Variants in ROBO1 observed in about 807,000 individuals in gnomAD.
The protein encoded by ROBO1 is roundabout homolog 1.
A neutral mutation model predicts 195.9 loss-of-function variants in ROBO1; 149 were observed. That is an observed-to-expected ratio of 0.76 (90% CI 0.67 to 0.87). The LOEUF (loss-of-function observed/expected upper bound fraction) is 0.87. ROBO1 is among the 40% of genes least tolerant of loss of function. ROBO1 has a pLI of 0.00. For missense variants in ROBO1, 1,933 were observed against 2,068.3 expected, an observed-to-expected ratio of 0.93 and a Z score of 1.27; for synonymous variants, 816 against 733.2, an observed-to-expected ratio of 1.11 and a Z score of -1.82.
At chr3:79,274,024 A>T (rs1279432740) in intron 2 of ROBO1, among the ~76,000 whole-genome samples, 2 of 152,014 alleles carry the variant, frequency 1.3e-5, no homozygotes. Context: ...AGCAAACATT[A>T]CTAGAGCTAA....
intron 2 of ROBO1, among the ~76,000 whole-genome samples, chr3:79,133,922 G>A (rs1448495576): frequency 2.6e-5 from 4 of 151,910 alleles, no homozygotes; most frequent in Non-Finnish European, 4.4e-5. Context: ...CTCAGCTGCA[G>A]GTCTGTTGGA....
At chr3:79,071,808 G>A (rs776542541) in intron 3 of ROBO1, among the ~76,000 whole-genome samples, 1 of 151,458 alleles carries the variant, frequency 6.6e-6, no homozygotes, top group Non-Finnish European at 1.5e-5. Flanking sequence ...AGACTTTACG[G>A]CAGAGTATTT....
chr3:79,199,212 A>T (rs1399211130), intron 2 of ROBO1, among the ~76,000 whole-genome samples: 3 of 151,540 alleles, frequency 2.0e-5, no homozygotes, highest in Non-Finnish European at 4.4e-5. Flanking sequence ...ATGCAAAATT[A>T]AAGTTGTTTT....
At chr3:79,442,527 G>A (rs554296751) in intron 2 of ROBO1, among the ~76,000 whole-genome samples, 2 of 152,140 alleles carry the variant, frequency 1.3e-5, no homozygotes, top group South Asian at 2.1e-4. Context: ...TGGTGGTCCC[G>A]TCTGAATCCC....
intron 2 of ROBO1, among the ~76,000 whole-genome samples, chr3:79,290,973 T>C (rs2032207662): frequency 6.6e-6 from 1 of 152,180 alleles, no homozygotes; most frequent in South Asian, 2.1e-4. Context: ...GATTTCAATA[T>C]CCATGTGAAA....
chr3:79,286,373 C>T (rs191246561), intron 2 of ROBO1, among the ~76,000 whole-genome samples: 2 of 152,260 alleles, frequency 1.3e-5, no homozygotes, highest in South Asian at 2.1e-4. Flanking sequence ...CACCATCTTT[C>T]GAATGTCCAA....
At chr3:79,120,101 G>C (rs912627349) in intron 3 of ROBO1, among the ~76,000 whole-genome samples, 1 of 152,132 alleles carries the variant, frequency 6.6e-6, no homozygotes, top group East Asian at 1.9e-4. Flanking sequence ...TTAAAAGATA[G>C]TATACCTCAT....
At chr3:79,175,807 T>G (rs895028209) in intron 2 of ROBO1, among the ~76,000 whole-genome samples, 1 of 152,208 alleles carries the variant, frequency 6.6e-6, no homozygotes, top group Admixed American at 6.5e-5. Flanking sequence ...TATTGGCACG[T>G]GGTTCTTATT....
intron 2 of ROBO1, among the ~76,000 whole-genome samples, chr3:79,508,464 T>C (rs1315953270): frequency 6.6e-6 from 1 of 152,160 alleles, no homozygotes; most frequent in Non-Finnish European, 1.5e-5. Context: ...TCTGTGGTGC[T>C]TTGTTATGGC....
chr3:79,297,889 T>C (rs10865574), intron 2 of ROBO1, among the ~76,000 whole-genome samples: 8,631 of 152,092 alleles, frequency 0.057, 351 homozygotes, highest in African/African-American at 0.12. Flanking sequence ...CTATGTAATA[T>C]AGCATCATGT....
chr3:79,252,864 C>T (rs2082758454), intron 2 of ROBO1, among the ~76,000 whole-genome samples: 1 of 151,974 alleles, frequency 6.6e-6, no homozygotes. Context: ...ATCATTAATC[C>T]ACATTTTTTT....
intron 25 of ROBO1, among the ~76,000 whole-genome samples, chr3:78,628,920 C>T (rs1704996519): frequency 6.6e-6 from 1 of 152,166 alleles, no homozygotes; most frequent in South Asian, 2.1e-4. Flanking sequence ...GTCTCCTAGC[C>T]TCCCAGTCAC....
chr3:79,761,988 G>A (rs1358454818), intron 1 of ROBO1, among the ~76,000 whole-genome samples: 1 of 152,002 alleles, frequency 6.6e-6, no homozygotes, highest in East Asian at 1.9e-4. Flanking sequence ...GTGTTTTAAG[G>A]GCTACTTTTT....
intron 2 of ROBO1, among the ~76,000 whole-genome samples, chr3:79,524,700 G>A (rs1386843318): frequency 1.3e-5 from 2 of 152,064 alleles, no homozygotes; most frequent in Admixed American, 1.3e-4. Flanking sequence ...ATGTATGTTT[G>A]TTTGTATCTC....
chr3:79,550,197 A>AAAGAAGG (rs142251104), intron 2 of ROBO1, among the ~76,000 whole-genome samples: 3 of 19,328 alleles, frequency 1.6e-4, no homozygotes, highest in Admixed American at 4.5e-4. Flanking sequence ...GAAAGAAAGG[A>AAAGAAGG]AAAGAAAAGA....
chr3:79,536,078 C>A (rs1375656516), intron 2 of ROBO1, among the ~76,000 whole-genome samples: 1 of 152,074 alleles, frequency 6.6e-6, no homozygotes, highest in Non-Finnish European at 1.5e-5. Flanking sequence ...TACATAATAT[C>A]TCTAAATAAT....
chr3:78,932,273 G>T (rs2039574701), intron 4 of ROBO1, among the ~76,000 whole-genome samples: 1 of 152,134 alleles, frequency 6.6e-6, no homozygotes, highest in Non-Finnish European at 1.5e-5. Flanking sequence ...ACACTGCCAA[G>T]AATTTCCCAT....
chr3:78,871,485 C>T (rs1249936346), intron 4 of ROBO1, among the ~76,000 whole-genome samples: 9 of 152,020 alleles, frequency 5.9e-5, no homozygotes, highest in Non-Finnish European at 1.3e-4. Flanking sequence ...GTTGATTTTG[C>T]TACAAGATGA....
chr3:79,513,710 GA>G (rs35839194), intron 2 of ROBO1, among the ~76,000 whole-genome samples: 113,384 of 150,922 alleles, frequency 0.75, 43,315 homozygotes, highest in African/African-American at 0.92. Flanking sequence ...ATTTGCCATG[GA>G]AAAAAAAAAA....
Sources: allele counts gnomAD v4.1 joint callset (sites outside exome capture counted in the v4.1 genomes callset), GRCh38; gene constraint gnomAD v4.1.1; transcripts MANE v1.5; gene names NCBI Gene and HGNC (gene_info 2026-07-23, HGNC 2026-07-21).